SNX14: variants seen among roughly 807,000 people sequenced by gnomAD.
SNX14 encodes the protein sorting nexin-14.
In SNX14, 93 loss-of-function variants were observed where a neutral mutation model predicts 133.8. The observed-to-expected ratio is 0.70, with a 90% CI of 0.59 to 0.83. The LOEUF (loss-of-function observed/expected upper bound fraction) is 0.83, where lower values mean the gene tolerates loss of function less well. Among genes scored for constraint, SNX14 ranks in the 40% least tolerant of loss-of-function variants. The pLI is 0.00. For synonymous variants in SNX14, 368 were observed against 365.6 expected (o/e 1.01, Z -0.07); for missense variants, 945 against 1,094.9 (o/e 0.86, Z 1.93).
At chr6:85,529,380 G>T (rs1418853156) in intron 19 of SNX14, among the ~76,000 whole-genome samples, 1 of 151,924 alleles carries the variant, frequency 6.6e-6, no homozygotes, top group Non-Finnish European at 1.5e-5. Flanking sequence ...ACAAGGAAAT[G>T]AAGGAAGGAA....
chr6:85,542,004 G>A lies in SNX14; in HGVS notation c.1429C>T (p.Arg477Cys), dbSNP rs140199550. The A allele has an allele frequency of 2.6e-5, 41 of 1,593,324 alleles. No homozygotes were observed. The highest frequency in any genetic ancestry group is 3.5e-5 in the Admixed American group (2 of 56,706). ...QLLRGAESPT[R>C]NSKLNRGSLS... The stretch of plus-strand genomic sequence containing the variant: ...ACCTACCTGTTCAATTTTGAATTGC[G>A]TGTTGGTGATTCTGCACCTCTTAAA... The change falls in exon 15 of 29, where the codon CGC becomes TGC. Residue 477 changes from arginine (R) to cysteine (C), a missense_variant. Around this residue, in one of 3 missense-constraint regions of SNX14, gnomAD observed 412 missense variants for 516.6 expected, o/e 0.80. Transcript: ENST00000314673.
At chr6:85,567,273 C>T (rs1426176216) in intron 5 of SNX14, among the ~76,000 whole-genome samples, 1 of 152,202 alleles carries the variant, frequency 6.6e-6, no homozygotes, top group South Asian at 2.1e-4. Flanking sequence ...CAGGTCATAT[C>T]TGGCAACCTC....
intron 21 of SNX14, among the ~76,000 whole-genome samples, chr6:85,519,296 C>A (rs1343633423): frequency 6.6e-6 from 1 of 152,200 alleles, no homozygotes; most frequent in Admixed American, 6.5e-5. Flanking sequence ...ATTTAACTCA[C>A]TGATTTAGTT....
intron 6 of SNX14, among the ~76,000 whole-genome samples, chr6:85,562,470 T>C (rs1461826860): frequency 6.6e-6 from 1 of 152,166 alleles, no homozygotes; most frequent in Admixed American, 6.5e-5. Context: ...AATTCTGTAA[T>C]TAGGATGTAT....
intron 15 of SNX14, among the ~76,000 whole-genome samples, chr6:85,540,091 A>G (rs1783185261): frequency 6.6e-6 from 1 of 151,956 alleles, no homozygotes. Context: ...TCTCCCAAGT[A>G]GCTGGGATCA....
chr6:85,583,130 C>G (rs1289551119), intron 1 of SNX14, among the ~76,000 whole-genome samples: 1 of 152,166 alleles, frequency 6.6e-6, no homozygotes, highest in Non-Finnish European at 1.5e-5. Flanking sequence ...CATAATCCAT[C>G]ACATAAACAG....
chr6:85,520,340 G>C (rs774869399), intron 21 of SNX14, among the ~76,000 whole-genome samples: 6 of 150,218 alleles, frequency 4.0e-5, no homozygotes, highest in East Asian at 2.0e-4. Context: ...ACTGCAACTA[G>C]TCAATGCTAT....
rs1006304960 is a variant in SNX14 at position 85,543,378 on chromosome 6, T to C, written c.1265-72A>G. ...TATATACAGTTCTAAAACGTTTTAC[T>C]GAAACTCCACTGAAACACACTAGAT... On this transcript the variant is annotated intron_variant, in intron 13 of 28. Transcript: ENST00000314673. 1.2e-4 allele frequency: 157 copies of C among 1,342,932 alleles called. 1 individual carries two copies. The Middle Eastern group carries it at 1.6e-3, about 14-fold the overall frequency. The allele number at this position is 1,342,932 out of a possible 1,614,324, so 83.2% of individuals were successfully genotyped here. A position where few individuals can be genotyped will look rare whatever the true frequency, so the allele number is the denominator to read the frequency against.
chr6:85,551,780 G>A (rs1262163742), intron 7 of SNX14, among the ~76,000 whole-genome samples: 1 of 152,152 alleles, frequency 6.6e-6, no homozygotes, highest in Non-Finnish European at 1.5e-5. Context: ...CCATGCAGAG[G>A]ACATAGGAAA....
chr6:85,530,013 T>C (rs554109990), intron 19 of SNX14, among the ~76,000 whole-genome samples, 179 bp downstream of exon 19: 1 of 152,286 alleles, frequency 6.6e-6, no homozygotes, highest in East Asian at 1.9e-4. Flanking sequence ...ACTTTAAATA[T>C]ACAGATAAAT....
chr6:85,545,035 A>G (rs1314259281), intron 12 of SNX14, among the ~76,000 whole-genome samples: 1 of 152,222 alleles, frequency 6.6e-6, no homozygotes, highest in Non-Finnish European at 1.5e-5. Flanking sequence ...ACATGACAAC[A>G]GGAGCACAAT....
chr6:85,546,959 C>A (rs1785758695), intron 12 of SNX14, among the ~76,000 whole-genome samples, 153 bp downstream of exon 12: 1 of 130,020 alleles, frequency 7.7e-6, no homozygotes, highest in Non-Finnish European at 1.6e-5. Context: ...GAAATTCCGC[C>A]TCAAACAAAA....
intron 7 of SNX14, among the ~76,000 whole-genome samples, chr6:85,555,559 A>T (rs535932187): frequency 6.6e-6 from 1 of 152,356 alleles, no homozygotes; most frequent in African/African-American, 2.4e-5. Context: ...GTTGCCAGGG[A>T]TTCCCAGAGG....
intron 26 of SNX14, chr6:85,508,480 T>A: frequency 1.4e-6 from 1 of 713,298 alleles, no homozygotes; most frequent in Non-Finnish European, 1.7e-6. Context: ...ACACCCAATG[T>A]AGGATAAGCC....
At chr6:85,516,085 G>T (rs1774857952) in intron 23 of SNX14, among the ~76,000 whole-genome samples, 1 of 151,960 alleles carries the variant, frequency 6.6e-6, no homozygotes, top group Non-Finnish European at 1.5e-5. Context: ...AATCAATGAG[G>T]TTCAAAAAAT....
rs769360608 is a variant in SNX14, at chr6:85,543,743, T to G, written c.1126A>C (p.Ile376Leu). The G allele has an allele frequency of 1.5e-5, 24 of 1,557,196 alleles. No individual in the cohort carries two copies. Residue 376 changes from isoleucine (I) to leucine (L), a missense_variant, in exon 13 of 29, where the codon ATT (isoleucine) becomes CTT (leucine). Physicochemically the swap from Ile to Leu is conservative, Grantham distance 5 (BLOSUM62 2). Coordinates refer to ENST00000314673, the MANE Select transcript of SNX14 (RefSeq NM_153816.6). ...CLTVEEFNDR[I>L]LRPELSNDEM... ...TCATTTGATAATTCTGGTCGTAAAA[T>G]TCTATCATTAAATTCCTCTAACAAA...
chr6:85,537,604 C>T (rs1362960218), intron 16 of SNX14, among the ~76,000 whole-genome samples: 1 of 152,168 alleles, frequency 6.6e-6, no homozygotes, highest in Non-Finnish European at 1.5e-5. Context: ...GTCCGTTAGC[C>T]TGCTACCCAA....
Position 85,550,704 on chromosome 6 carries a change from G to C in SNX14, c.635-825C>G, listed in dbSNP as rs1015153297. 4.0e-5 allele frequency among the ~76,000 whole-genome samples: 6 copies of C among 151,886 alleles called. 1 individual carries two copies. The highest frequency in any genetic ancestry group is 3.9e-4 in the Admixed American group (6 of 15,236). On this transcript the variant is annotated intron_variant, in intron 7 of 28. Coordinates refer to ENST00000314673, the MANE Select transcript of SNX14 (RefSeq NM_153816.6). Reference sequence around the variant, plus strand: ...TGTGGAGATGGGGTTTTGTCATGTTGCCCAGGCTGGTCTCAAACTTCTGAA... The same window carrying C: ...TGTGGAGATGGGGTTTTGTCATGTTCCCCAGGCTGGTCTCAAACTTCTGAA...
chr6:85,582,804 C>T (rs1369294277), intron 1 of SNX14, among the ~76,000 whole-genome samples: 2 of 152,104 alleles, frequency 1.3e-5, no homozygotes, highest in Non-Finnish European at 2.9e-5. Context: ...AAAAAAAGCC[C>T]AGGACCAGAA....
Sources: gnomAD v4.1 joint callset for allele counts (sites outside exome capture counted in the v4.1 genomes callset) on GRCh38, gnomAD v4.1.1 for gene constraint, gnomAD v4.1.1 regional missense constraint, MANE v1.5 for transcripts, NCBI Gene and HGNC (gene_info 2026-07-23, HGNC 2026-07-21) for gene names.